CHL1: variants seen among roughly 807,000 people sequenced by gnomAD.
CHL1 encodes cell adhesion molecule L1 like.
Under a neutral mutation model 141.9 loss-of-function variants are expected in CHL1, and 96 were observed. That is an observed-to-expected ratio of 0.68 (90% CI 0.57 to 0.80). The LOEUF (loss-of-function observed/expected upper bound fraction) is 0.80. Among genes scored for constraint, CHL1 ranks in the 30% least tolerant of loss-of-function variants. The pLI, the probability that CHL1 is intolerant of heterozygous loss-of-function variation, is 0.00. For missense variants in CHL1, 1,820 were observed against 1,457.2 expected (o/e 1.25, Z -4.05); for synonymous variants, 613 against 502.2 (o/e 1.22, Z -2.95).
chr3:406,721 T>C lies in CHL1; in HGVS notation c.*1010T>C, dbSNP rs533091926. On this transcript the variant is annotated 3_prime_UTR_variant, in exon 28 of 28. Coordinates refer to ENST00000256509, the MANE Select transcript of CHL1 (RefSeq NM_006614.4). ...GCTAGAATATATTAGTAAGATACTG[T>C]TTTTCGTCATTCCAGAGCTACAACT... 29 of 152,242 alleles carry C rather than the reference T, an allele frequency of 1.9e-4. No individual in the cohort carries two copies. The highest frequency in any genetic ancestry group is 5.8e-4 in the African/African-American group (24 of 41,532). 9.4% of individuals were successfully genotyped at this position (152,242 alleles called of 1,614,324 possible).
intron 1 of CHL1, among the ~76,000 whole-genome samples, chr3:226,075 G>A (rs1333446013): frequency 6.6e-6 from 1 of 151,042 alleles, no homozygotes. Context: ...AGGAGAGAGT[G>A]CGGAGGCACG....
chr3:289,813 G>A (rs1242203238), intron 2 of CHL1, among the ~76,000 whole-genome samples: 2 of 150,874 alleles, frequency 1.3e-5, no homozygotes, highest in South Asian at 2.1e-4. Flanking sequence ...CATATTGTAT[G>A]CTCATTAATA....
At chr3:371,740 T>A (rs1417504234) in intron 15 of CHL1, among the ~76,000 whole-genome samples, 1 of 152,156 alleles carries the variant, frequency 6.6e-6, no homozygotes, top group Non-Finnish European at 1.5e-5. Flanking sequence ...GCATGACTGG[T>A]TCTGGTTTTT....
chr3:293,805 ATTT>A (rs35981953), intron 2 of CHL1, among the ~76,000 whole-genome samples: 2 of 141,884 alleles, frequency 1.4e-5, no homozygotes, highest in Admixed American at 7.1e-5. Context: ...GCTGGAGAAG[ATTT>A]TTTTTTTTTT....
chr3:268,723 A>G (rs1695377516), intron 2 of CHL1, among the ~76,000 whole-genome samples: 1 of 152,204 alleles, frequency 6.6e-6, no homozygotes, highest in Non-Finnish European at 1.5e-5. Context: ...AGGCAGCTAT[A>G]CATCTTATAG....
intron 19 of CHL1, among the ~76,000 whole-genome samples, chr3:387,494 C>A (rs7639991): frequency 0.96 from 146,957 of 152,316 alleles, 71,074 homozygotes; most frequent in East Asian, 1. Context: ...AAAAAGGCCG[C>A]TAATATAGCT....
intron 2 of CHL1, chr3:246,461 T>C (rs992415474): frequency 3.3e-5 from 5 of 152,052 alleles, no homozygotes; most frequent in Non-Finnish European, 4.4e-5. Flanking sequence ...GCTAGGGAAA[T>C]CAGCCATCAG....
At chr3:288,007 A>G (rs879265588) in intron 2 of CHL1, among the ~76,000 whole-genome samples, 12 of 152,192 alleles carry the variant, frequency 7.9e-5, no homozygotes, top group East Asian at 1.9e-4. Flanking sequence ...ACCTCGGGCA[A>G]TCTGCCCACC....
At chr3:405,311 G>C (rs1709454981) in intron 27 of CHL1, among the ~76,000 whole-genome samples, 184 bp from the exon 28 acceptor site, 1 of 152,104 alleles carries the variant, frequency 6.6e-6, no homozygotes, top group Non-Finnish European at 1.5e-5. Context: ...GTAGACATGT[G>C]TTTACAGACT....
At chr3:394,278 T>C (rs1708484835) in intron 23 of CHL1, among the ~76,000 whole-genome samples, 1 of 152,212 alleles carries the variant, frequency 6.6e-6, no homozygotes, top group African/African-American at 2.4e-5. Flanking sequence ...ATCTCAATTA[T>C]TCTTCCAAAA....
chr3:390,426 G>A (rs961456448), intron 20 of CHL1, among the ~76,000 whole-genome samples: 3 of 152,152 alleles, frequency 2.0e-5, no homozygotes, highest in African/African-American at 7.2e-5. Flanking sequence ...GCTTCCAAAG[G>A]CAAGATGCCC....
chr3:257,888 T>C (rs1694324487), intron 2 of CHL1, among the ~76,000 whole-genome samples: 1 of 152,192 alleles, frequency 6.6e-6, no homozygotes, highest in Non-Finnish European at 1.5e-5. Context: ...GTCACTTAAA[T>C]AGGCGAAGAA....
intron 2 of CHL1, among the ~76,000 whole-genome samples, chr3:301,764 A>G (rs575964564): frequency 6.6e-6 from 1 of 152,248 alleles, no homozygotes. Context: ...TTTTATTATT[A>G]TTATACTTTA....
chr3:261,543 A>G (rs929419476), intron 2 of CHL1, among the ~76,000 whole-genome samples: 1 of 152,206 alleles, frequency 6.6e-6, no homozygotes, highest in African/African-American at 2.4e-5. Flanking sequence ...GGCCTCAAAA[A>G]GTCACAAACT....
intron 1 of CHL1, among the ~76,000 whole-genome samples, chr3:209,945 T>C (rs976136088): frequency 3.3e-5 from 5 of 152,242 alleles, no homozygotes; most frequent in African/African-American, 9.6e-5. Flanking sequence ...GTAAATACCA[T>C]CACCATTCCA....
chr3:237,210 A>G (rs550618655), intron 1 of CHL1, among the ~76,000 whole-genome samples: 2 of 152,266 alleles, frequency 1.3e-5, no homozygotes, highest in African/African-American at 4.8e-5. Context: ...TGTTCTCATG[A>G]TAGTGAGTGA....
intron 1 of CHL1, among the ~76,000 whole-genome samples, chr3:214,493 G>T (rs1454331188): frequency 1.3e-5 from 2 of 152,102 alleles, no homozygotes; most frequent in African/African-American, 4.8e-5. Flanking sequence ...AGTGTTACGT[G>T]CTACGTTATC....
intron 26 of CHL1, among the ~76,000 whole-genome samples, chr3:399,969 T>C (rs1708990310): frequency 6.6e-6 from 1 of 152,242 alleles, no homozygotes; most frequent in African/African-American, 2.4e-5. Flanking sequence ...AAGATATACA[T>C]GAAAACCATC....
intron 2 of CHL1, among the ~76,000 whole-genome samples, chr3:291,580 A>G (rs1012451575): frequency 1.3e-5 from 2 of 152,160 alleles, no homozygotes; most frequent in Admixed American, 1.3e-4. Context: ...CCTACAAAGT[A>G]AGTAATTTGG....
Sources: gnomAD v4.1 joint callset for allele counts (sites outside exome capture counted in the v4.1 genomes callset) on GRCh38, gnomAD v4.1.1 for gene constraint, MANE v1.5 for transcripts, NCBI Gene and HGNC (gene_info 2026-07-23, HGNC 2026-07-21) for gene names.